The following LDB2 variants were observed in gnomAD, a reference collection of about 807,000 sequenced individuals.
LDB2 encodes the protein LIM domain-binding protein 2.
Under a neutral mutation model 44.3 loss-of-function variants are expected in LDB2, and 12 were observed. The ratio of observed to expected loss-of-function variants is 0.27; its 90% CI spans 0.17 to 0.44. The LOEUF (loss-of-function observed/expected upper bound fraction) is 0.44. LDB2 is among the 20% of genes least tolerant of loss of function. The pLI, the probability that LDB2 is intolerant of heterozygous loss-of-function variation, is 1.00. For synonymous variants in LDB2, 164 were observed against 174.8 expected, an observed-to-expected ratio of 0.94 and a Z score of 0.49; for missense variants, 344 against 473.5, an observed-to-expected ratio of 0.73 and a Z score of 2.54.
At position 16,618,207 on chromosome 4, in the gene LDB2, C is replaced by G. The variant is rs1446292565; in HGVS notation, c.236-22332G>C. Among the ~76,000 whole-genome samples the G allele has an allele frequency of 9.9e-5, 15 of 152,148 alleles. 1 individual carries two copies. Among genetic ancestry groups the G allele is most frequent in the Admixed American group, 9.2e-4 (14 of 15,274 alleles). ...TAAGATAACGATTCCCAGGCCTCAC[C>G]CCCAGCAGCTTCCATTTTCACTGGA... is the stretch of plus-strand genomic sequence containing the variant. On this transcript the variant is annotated intron_variant, in intron 2 of 7. Transcript: ENST00000304523.
In LDB2 at chr4:16,660,392, G is replaced by C. The variant is rs144520716; in HGVS notation, c.236-64517C>G. 1.9e-3 allele frequency among the ~76,000 whole-genome samples: 286 copies of C among 152,258 alleles called. 2 individuals are homozygous for C. The highest frequency in any genetic ancestry group is 6.6e-3 in the African/African-American group (273 of 41,558). ...CTTAGAAATAAGGGTAAAGAGGATG[G>C]TGATACCTGCTCATCTGACCTCAGG... is the stretch of plus-strand genomic sequence containing the variant. On this transcript the variant is annotated intron_variant, in intron 2 of 7. Transcript: ENST00000304523.
intron 5 of LDB2, among the ~76,000 whole-genome samples, chr4:16,557,219 G>T (rs1739995599): frequency 6.6e-6 from 1 of 152,186 alleles, no homozygotes; most frequent in Non-Finnish European, 1.5e-5. Context: ...GCTGGACAGT[G>T]GGTGCAGAGC....
chr4:16,772,190 G>C (rs545121722), intron 1 of LDB2, among the ~76,000 whole-genome samples: 2 of 152,092 alleles, frequency 1.3e-5, no homozygotes, highest in Non-Finnish European at 2.9e-5. Flanking sequence ...GTCATCTTTG[G>C]GTCATCCAAT....
chr4:16,870,207 T>G (rs17816547), intron 1 of LDB2, among the ~76,000 whole-genome samples: 31,374 of 151,972 alleles, frequency 0.21, 3,854 homozygotes, highest in South Asian at 0.4. Context: ...TAGGAGGGAA[T>G]AGTGAGAAAG....
intron 2 of LDB2, among the ~76,000 whole-genome samples, chr4:16,631,079 T>C (rs768964608): frequency 7.9e-5 from 12 of 152,214 alleles, no homozygotes; most frequent in South Asian, 6.2e-4. Flanking sequence ...CTGGACCAAG[T>C]GGACATGATA....
chr4:16,633,642 G>A (rs1050534286), intron 2 of LDB2, among the ~76,000 whole-genome samples: 2 of 152,256 alleles, frequency 1.3e-5, no homozygotes, highest in African/African-American at 4.8e-5. Flanking sequence ...AACATTCCAT[G>A]CTCATGGCTA....
At chr4:16,511,263 G>A (rs1012037110) in intron 6 of LDB2, among the ~76,000 whole-genome samples, 13 of 152,100 alleles carry the variant, frequency 8.5e-5, no homozygotes, top group African/African-American at 2.4e-4. Flanking sequence ...TATGATGAAT[G>A]AGGCTCAACA....
intron 5 of LDB2, among the ~76,000 whole-genome samples, chr4:16,528,555 G>A (rs1729045916): frequency 6.6e-6 from 1 of 152,202 alleles, no homozygotes. Flanking sequence ...TGAGAATGGA[G>A]AGAGGCTGAC....
intron 1 of LDB2, among the ~76,000 whole-genome samples, chr4:16,779,583 G>A (rs550015521): frequency 6.6e-6 from 1 of 152,212 alleles, no homozygotes; most frequent in Non-Finnish European, 1.5e-5. Context: ...GAAAATGAAG[G>A]GCCATAGGAG....
At chr4:16,509,328 A>G (rs914395213) in intron 6 of LDB2, among the ~76,000 whole-genome samples, 5 of 152,194 alleles carry the variant, frequency 3.3e-5, no homozygotes, top group Non-Finnish European at 5.9e-5. Context: ...AAATGCTACT[A>G]ATTCCAAAAT....
At chr4:16,808,116 A>AAAAGG (rs1466696729) in intron 1 of LDB2, among the ~76,000 whole-genome samples, 1 of 152,124 alleles carries the variant, frequency 6.6e-6, no homozygotes, top group African/African-American at 2.4e-5. Flanking sequence ...AAGAAGGAAA[A>AAAAGG]AAAGGAAAGG....
chr4:16,690,122 C>T (rs1211887784), intron 2 of LDB2, among the ~76,000 whole-genome samples: 14 of 152,172 alleles, frequency 9.2e-5, no homozygotes, highest in Admixed American at 9.2e-4. Context: ...AAGGAACACA[C>T]TGTCCTCAGT....
In LDB2 at chr4:16,709,860, T is replaced by G. The variant is rs1043963764; in HGVS notation, c.235+49298A>C. 1.3e-5 allele frequency among the ~76,000 whole-genome samples: 2 copies of G among 152,226 alleles called. 1 individual carries two copies. Among genetic ancestry groups the G allele is most frequent in the South Asian group, 4.1e-4 (2 of 4,824 alleles). ...TGACTCATTTAAATGGGGCATGAAC[T>G]CTCCAGTTCACCAGGTTCTCTACCT... On this transcript the variant is annotated intron_variant, in intron 2 of 7. Coordinates refer to ENST00000304523, the MANE Select transcript of LDB2 (RefSeq NM_001290.5).
At chr4:16,504,538 G>T (rs1382294819) in intron 7 of LDB2, among the ~76,000 whole-genome samples, 1 of 152,176 alleles carries the variant, frequency 6.6e-6, no homozygotes, top group African/African-American at 2.4e-5. Context: ...GTGCTTCCAA[G>T]ATTTATTTAT....
intron 2 of LDB2, among the ~76,000 whole-genome samples, chr4:16,747,572 T>C (rs925609631): frequency 2.6e-5 from 4 of 152,226 alleles, no homozygotes; most frequent in African/African-American, 4.8e-5. Flanking sequence ...ATAAGTATAG[T>C]TGAGTTTACC....
chr4:16,724,325 G>A (rs952965188), intron 2 of LDB2, among the ~76,000 whole-genome samples: 2 of 151,570 alleles, frequency 1.3e-5, no homozygotes, highest in African/African-American at 4.9e-5. Context: ...TAACTGGAGT[G>A]TGTTGGATGC....
At chr4:16,520,383 G>A (rs1345723302) in intron 5 of LDB2, among the ~76,000 whole-genome samples, 1 of 152,086 alleles carries the variant, frequency 6.6e-6, no homozygotes, top group Non-Finnish European at 1.5e-5. Flanking sequence ...AACTCACTCT[G>A]CTCTGAAGAG....
chr4:16,796,100 TG>T (rs1357533997), intron 1 of LDB2, among the ~76,000 whole-genome samples: 3 of 151,970 alleles, frequency 2.0e-5, no homozygotes, highest in Non-Finnish European at 4.4e-5. Context: ...GAGACCAGTC[TG>T]GGCAACATGG....
chr4:16,641,574 G>C (rs1466756920), intron 2 of LDB2, among the ~76,000 whole-genome samples: 1 of 152,116 alleles, frequency 6.6e-6, no homozygotes, highest in East Asian at 1.9e-4. Flanking sequence ...GTGCAGGAGA[G>C]AGAAGTGAGA....
Sources: gnomAD v4.1 joint callset for allele counts (sites outside exome capture counted in the v4.1 genomes callset) on GRCh38, gnomAD v4.1.1 for gene constraint, MANE v1.5 for transcripts, NCBI Gene and HGNC (gene_info 2026-07-23, HGNC 2026-07-21) for gene names.